The following SLC8A1 variants were observed in gnomAD, a reference collection of about 807,000 sequenced individuals.
The protein encoded by SLC8A1 is solute carrier family 8 member A1, also known as sodium/calcium exchanger 1.
A neutral mutation model predicts 68.3 loss-of-function variants in SLC8A1; 18 were observed. The observed-to-expected ratio is 0.26, with a 90% CI of 0.18 to 0.39. The LOEUF is 0.39. SLC8A1 is among the 10% of genes least tolerant of loss of function. The pLI, the probability that SLC8A1 is intolerant of heterozygous loss-of-function variation, is 1.00. For synonymous variants in SLC8A1, 475 were observed against 415.5 expected (o/e 1.14, Z -1.74); for missense variants, 985 against 1,156.7 (o/e 0.85, Z 2.15).
intron 6 of SLC8A1, among the ~76,000 whole-genome samples, chr2:40,140,738 C>T (rs919667507): frequency 6.6e-6 from 1 of 152,214 alleles, no homozygotes; most frequent in African/African-American, 2.4e-5. Flanking sequence ...TGTTTGATAC[C>T]ATCTCCAGCA....
At chr2:40,473,301 C>G (rs941881972) in intron 1 of SLC8A1, among the ~76,000 whole-genome samples, 1 of 152,112 alleles carries the variant, frequency 6.6e-6, no homozygotes, top group Admixed American at 6.5e-5. Flanking sequence ...AAATTTCAAT[C>G]TATGGCCAAG....
At chr2:40,141,274 A>G (rs2041514063) in intron 6 of SLC8A1, among the ~76,000 whole-genome samples, 1 of 152,198 alleles carries the variant, frequency 6.6e-6, no homozygotes, top group Non-Finnish European at 1.5e-5. Context: ...GATGATTGAG[A>G]AGACCCTCTG....
At chr2:40,165,780 C>T (rs2046448443) in intron 4 of SLC8A1, among the ~76,000 whole-genome samples, 2 of 152,114 alleles carry the variant, frequency 1.3e-5, no homozygotes, top group Admixed American at 1.3e-4. Flanking sequence ...TTAATGGATC[C>T]AAGAGCCCAT....
intron 1 of SLC8A1, among the ~76,000 whole-genome samples, chr2:40,498,195 G>A (rs1029101518): frequency 3.3e-5 from 5 of 152,012 alleles, no homozygotes; most frequent in African/African-American, 1.2e-4. Context: ...TTTAGACTCC[G>A]CAGAAATGGG....
At chr2:40,348,672 G>C (rs534076269) in intron 2 of SLC8A1, among the ~76,000 whole-genome samples, 1 of 152,132 alleles carries the variant, frequency 6.6e-6, no homozygotes, top group East Asian at 1.9e-4. Flanking sequence ...TGCACTCCGG[G>C]GTCTCAGGGC....
At chr2:40,428,833 T>A in exon 2 of SLC8A1, 1 of 1,613,810 alleles carries the variant, frequency 6.2e-7, no homozygotes, top group Non-Finnish European at 8.5e-7. Context: ...CTCAAAGATA[T>A]CATCATCTAT....
intron 2 of SLC8A1, among the ~76,000 whole-genome samples, chr2:40,281,897 G>T (rs2149189805): frequency 6.6e-6 from 1 of 152,256 alleles, no homozygotes; most frequent in South Asian, 2.1e-4. Flanking sequence ...GTCTTCACTT[G>T]AATTTTGGGT....
At chr2:40,103,847 T>C (rs1459254268) in exon 8 of SLC8A1, 1 of 152,206 alleles carries the variant, frequency 6.6e-6, no homozygotes, top group African/African-American at 2.4e-5. Context: ...TGTGGTTACA[T>C]GGGCTTGACA....
chr2:40,110,434 G>A (rs1483482164), exon 8 of SLC8A1: 2 of 152,164 alleles, frequency 1.3e-5, no homozygotes, highest in African/African-American at 4.8e-5. Context: ...AACTCCGTAG[G>A]TAGAGCTGAA....
intron 2 of SLC8A1, among the ~76,000 whole-genome samples, chr2:40,185,633 T>C (rs1370618652): frequency 6.6e-6 from 1 of 152,200 alleles, no homozygotes; most frequent in African/African-American, 2.4e-5. Flanking sequence ...TGGTGACTGC[T>C]GATGGGTATT....
rs533674486 is a variant in SLC8A1 at position 40,337,842 on chromosome 2, C to T, written c.1808+90631G>A. Among the ~76,000 whole-genome samples the T allele has an allele frequency of 2.4e-4, 36 of 152,232 alleles. No individual in the cohort carries two copies. The South Asian group carries it at 5.8e-3, about 25-fold the overall frequency. ...AGGATAAACATTACATTCCTTGATT[C>T]TTCTTTTTCACTGTCAGTTCTACCT... On this transcript the variant is annotated intron_variant, in intron 2 of 7. Transcript: ENST00000406785.
chr2:40,358,207 T>G (rs756989095), intron 2 of SLC8A1, among the ~76,000 whole-genome samples: 59 of 151,752 alleles, frequency 3.9e-4, no homozygotes, highest in Admixed American at 2.5e-3. Flanking sequence ...ATTCAGTAGC[T>G]ATTTAAGGTT....
intron 2 of SLC8A1, among the ~76,000 whole-genome samples, chr2:40,336,291 C>G (rs1218335239): frequency 1.3e-5 from 2 of 152,088 alleles, no homozygotes; most frequent in Non-Finnish European, 2.9e-5. Flanking sequence ...CACACTGTAC[C>G]AATGTCCAGT....
intron 2 of SLC8A1, among the ~76,000 whole-genome samples, chr2:40,285,121 T>C (rs371087750): frequency 1.2e-4 from 18 of 152,270 alleles, no homozygotes; most frequent in African/African-American, 4.3e-4. Flanking sequence ...ATTAAGCTTC[T>C]GGTAGCAACT....
chr2:40,159,993 G>T (rs563776375), intron 6 of SLC8A1, among the ~76,000 whole-genome samples: 1 of 152,150 alleles, frequency 6.6e-6, no homozygotes, highest in Non-Finnish European at 1.5e-5. Flanking sequence ...TGTAGAAGAT[G>T]AGCCTGGAGG....
chr2:40,402,910 G>A (rs907996808), intron 2 of SLC8A1, among the ~76,000 whole-genome samples: 3 of 152,148 alleles, frequency 2.0e-5, no homozygotes, highest in African/African-American at 7.2e-5. Flanking sequence ...CAACACAATT[G>A]TGCCATTTGA....
At chr2:40,248,268 G>A (rs2062174979) in intron 2 of SLC8A1, among the ~76,000 whole-genome samples, 1 of 151,466 alleles carries the variant, frequency 6.6e-6, no homozygotes, top group African/African-American at 2.5e-5. Flanking sequence ...GCTAATGGCT[G>A]AATGTTTATG....
intron 1 of SLC8A1, among the ~76,000 whole-genome samples, chr2:40,481,137 G>A (rs1014833653): frequency 1.3e-5 from 2 of 152,116 alleles, no homozygotes; most frequent in African/African-American, 2.4e-5. Flanking sequence ...GTGTGTGTGT[G>A]TATGTTTGTG....
chr2:40,238,038 A>G (rs1227754746), intron 2 of SLC8A1, among the ~76,000 whole-genome samples: 20 of 152,286 alleles, frequency 1.3e-4, no homozygotes, highest in African/African-American at 1.9e-4. Flanking sequence ...TAAGTCTGCA[A>G]AAGTTACTGC....
Sources: gnomAD v4.1 joint callset for allele counts (sites outside exome capture counted in the v4.1 genomes callset) on GRCh38, gnomAD v4.1.1 for gene constraint, MANE v1.5 for transcripts, NCBI Gene and HGNC (gene_info 2026-07-23, HGNC 2026-07-21) for gene names.